ABCC4: variants seen among roughly 807,000 people sequenced by gnomAD.
ABCC4 encodes ATP binding cassette subfamily C member 4 (PEL blood group), also known as ATP-binding cassette sub-family C member 4.
A neutral mutation model predicts 168.5 loss-of-function variants in ABCC4; 102 were observed. The ratio of observed to expected loss-of-function variants is 0.61; its 90% CI spans 0.52 to 0.71. The LOEUF (loss-of-function observed/expected upper bound fraction) is 0.71, where lower values mean the gene tolerates loss of function less well. Among genes scored for constraint, ABCC4 ranks in the 30% least tolerant of loss-of-function variants. The pLI, the probability that ABCC4 is intolerant of heterozygous loss-of-function variation, is 0.00. For synonymous variants in ABCC4, 617 were observed against 590.7 expected (o/e 1.04, Z -0.65); for missense variants, 1,402 against 1,605.8 (o/e 0.87, Z 2.17).
chr13:95,172,273 T>C (rs2037502627), intron 13 of ABCC4, among the ~76,000 whole-genome samples: 1 of 152,212 alleles, frequency 6.6e-6, no homozygotes, highest in Non-Finnish European at 1.5e-5. Context: ...TATTTAACTC[T>C]AATCCTACAT....
chr13:95,267,212 C>T (rs1438210394), intron 1 of ABCC4, among the ~76,000 whole-genome samples: 2 of 152,100 alleles, frequency 1.3e-5, no homozygotes, highest in African/African-American at 4.8e-5. Context: ...GTAGCTCCCA[C>T]AGTTCCCCCG....
chr13:95,074,117 G>A, intron 23 of ABCC4, 97 bp downstream of exon 23: 1 of 901,480 alleles, frequency 1.1e-6, no homozygotes, highest in Non-Finnish European at 1.7e-6. Context: ...GGACCAAACA[G>A]TATGTAGTAG....
In ABCC4 at chr13:95,107,456, T is replaced by G. The variant is rs577929639; in HGVS notation, c.2535+8466A>C. 3.7e-3 allele frequency among the ~76,000 whole-genome samples: 561 copies of G among 152,340 alleles called. 1 individual carries two copies. The highest frequency in any genetic ancestry group is 5.3e-3 in the Non-Finnish European group (361 of 68,028). ...AGAATGCACTTCCAGTGAATAATAT[T>G]AGTACAATGTACAATCACCAGTTGT... On this transcript the variant is annotated intron_variant, in intron 20 of 30. Transcript: ENST00000645237.
intron 25 of ABCC4, among the ~76,000 whole-genome samples, chr13:95,064,511 GTA>G (rs1335602028): frequency 6.2e-4 from 35 of 56,086 alleles, no homozygotes; most frequent in Admixed American, 3.6e-3. Context: ...GTGTATGTGT[GTA>G]TGTGTGTGTG....
chr13:95,031,477 C>T (rs545822255), intron 30 of ABCC4, among the ~76,000 whole-genome samples: 1 of 152,342 alleles, frequency 6.6e-6, no homozygotes, highest in Admixed American at 6.5e-5. Context: ...CATGAAGACA[C>T]ATGACCCAAC....
intron 19 of ABCC4, among the ~76,000 whole-genome samples, chr13:95,132,690 G>A (rs2036010860): frequency 6.6e-6 from 1 of 152,150 alleles, no homozygotes; most frequent in South Asian, 2.1e-4. Context: ...CACAGATACA[G>A]AGGCTGGCTG....
intron 19 of ABCC4, among the ~76,000 whole-genome samples, chr13:95,159,839 C>A (rs1481503834): frequency 6.6e-6 from 1 of 152,154 alleles, no homozygotes; most frequent in Non-Finnish European, 1.5e-5. Flanking sequence ...CTTCTTTAAT[C>A]TTCACAAAAA....
chr13:95,045,583 T>C (rs749716885), intron 27 of ABCC4, among the ~76,000 whole-genome samples: 25 of 152,352 alleles, frequency 1.6e-4, no homozygotes, highest in Admixed American at 4.6e-4. Context: ...ATAGATGATG[T>C]TGATATTAAT....
At chr13:95,173,493 T>C (rs2037550307) in intron 13 of ABCC4, among the ~76,000 whole-genome samples, 1 of 152,154 alleles carries the variant, frequency 6.6e-6, no homozygotes, top group South Asian at 2.1e-4. Context: ...TCCCTGGTTG[T>C]CCAACGGCAG....
At chr13:95,212,008 C>T (rs913925227) in intron 4 of ABCC4, among the ~76,000 whole-genome samples, 6 of 151,804 alleles carry the variant, frequency 4.0e-5, no homozygotes, top group African/African-American at 1.2e-4. Context: ...GAAACCCTGT[C>T]TCTACTAAAA....
At position 95,059,196 on chromosome 13, in the gene ABCC4, A is replaced by G. The variant is rs954067043; in HGVS notation, c.3366+3508T>C. Reference sequence around the variant, plus strand: ...CAGGAACTCAGGATCTGGCATTGAGATTCGCCGTAAATTCCATTTGAATCC... The same window carrying G: ...CAGGAACTCAGGATCTGGCATTGAGGTTCGCCGTAAATTCCATTTGAATCC... On this transcript the variant is annotated intron_variant, in intron 26 of 30. Transcript: ENST00000645237. Among the ~76,000 whole-genome samples the G allele has an allele frequency of 2.6e-5, 4 of 152,168 alleles. No individual in the cohort carries two copies. The South Asian group carries it at 8.3e-4, about 32-fold the overall frequency.
At chr13:95,086,733 T>A (rs2034269228) in intron 20 of ABCC4, among the ~76,000 whole-genome samples, 1 of 152,212 alleles carries the variant, frequency 6.6e-6, no homozygotes, top group African/African-American at 2.4e-5. Flanking sequence ...AAAAATGCCA[T>A]CCATCCTTCT....
intron 19 of ABCC4, among the ~76,000 whole-genome samples, chr13:95,116,369 T>C (rs1275368657): frequency 6.6e-6 from 1 of 152,182 alleles, no homozygotes; most frequent in East Asian, 1.9e-4. Flanking sequence ...CAGAAATTGA[T>C]CCTAATTATT....
intron 21 of ABCC4, among the ~76,000 whole-genome samples, chr13:95,077,804 C>T (rs1274619587): frequency 6.6e-6 from 1 of 152,154 alleles, no homozygotes; most frequent in Non-Finnish European, 1.5e-5. Context: ...ACAGCTGACT[C>T]AATACTGGTG....
chr13:95,294,236 T>G (rs2041470918), intron 1 of ABCC4, among the ~76,000 whole-genome samples: 1 of 152,040 alleles, frequency 6.6e-6, no homozygotes, highest in Non-Finnish European at 1.5e-5. Flanking sequence ...TTTGAGCTCC[T>G]GTAATCCCAG....
chr13:95,097,867 G>A (rs1566414392), intron 20 of ABCC4, among the ~76,000 whole-genome samples: 1 of 151,896 alleles, frequency 6.6e-6, no homozygotes, highest in Non-Finnish European at 1.5e-5. Context: ...CAGGTACAGT[G>A]GCTCACGCCT....
At chr13:95,171,499 T>C (rs956672812) in intron 13 of ABCC4, among the ~76,000 whole-genome samples, 1 of 149,450 alleles carries the variant, frequency 6.7e-6, no homozygotes, top group East Asian at 2.0e-4. Flanking sequence ...GAGGCTACAG[T>C]GAGCCGTCAT....
chr13:95,134,728 TTAAA>T (rs750005161), intron 19 of ABCC4, among the ~76,000 whole-genome samples: 1 of 151,460 alleles, frequency 6.6e-6, no homozygotes. Context: ...TCAAAAAAAT[TTAAA>T]TAAATAAATA....
At chr13:95,164,590 G>A in intron 15 of ABCC4, 72 bp from the exon 16 acceptor site, 1 of 1,537,326 alleles carries the variant, frequency 6.5e-7, no homozygotes, top group Non-Finnish European at 8.9e-7. Flanking sequence ...AATGCACTCT[G>A]TTGACAAAGC....
Sources: gnomAD v4.1 joint callset for allele counts (sites outside exome capture counted in the v4.1 genomes callset) on GRCh38, gnomAD v4.1.1 for gene constraint, MANE v1.5 for transcripts, NCBI Gene and HGNC (gene_info 2026-07-23, HGNC 2026-07-21) for gene names.